The following RPS6KC1 variants were observed in gnomAD, a reference collection of about 807,000 sequenced individuals.
RPS6KC1 encodes inactive ribosomal protein S6 kinase delta-1.
A neutral mutation model predicts 103.8 loss-of-function variants in RPS6KC1; 54 were observed. That is an observed-to-expected ratio of 0.52 (90% CI 0.42 to 0.65). The LOEUF (loss-of-function observed/expected upper bound fraction) is 0.65. Among genes scored for constraint, RPS6KC1 ranks in the 30% least tolerant of loss-of-function variants. RPS6KC1 has a pLI of 0.00. For synonymous variants in RPS6KC1, 439 were observed against 438.7 expected, an observed-to-expected ratio of 1.00 and a Z score of -0.01; for missense variants, 1,151 against 1,253.8, an observed-to-expected ratio of 0.92 and a Z score of 1.24.
At chr1:213,240,654 A>G (rs773687162) in intron 10 of RPS6KC1, 48 bp from the exon 11 acceptor site, 85 of 1,480,378 alleles carry the variant, frequency 5.7e-5, no homozygotes, top group Middle Eastern at 1.8e-4. Flanking sequence ...ATAACTGTCA[A>G]TTTGGAGATC....
At chr1:213,605,206 G>A in the RPS6KC1 span, among the ~76,000 whole-genome samples, 6 of 152,014 alleles carry the variant, frequency 3.9e-5, no homozygotes, top group Non-Finnish European at 5.9e-5. Context: ...CAATATACTC[G>A]GTATTTATCC....
chr1:213,657,002 A>G, the RPS6KC1 span, among the ~76,000 whole-genome samples: 1 of 152,350 alleles, frequency 6.6e-6, no homozygotes, highest in East Asian at 1.9e-4. Flanking sequence ...GAAGAGCATC[A>G]GAGGGGCCAG....
chr1:213,217,976 C>T (rs1336160866), intron 8 of RPS6KC1, among the ~76,000 whole-genome samples: 3 of 152,102 alleles, frequency 2.0e-5, no homozygotes, highest in Non-Finnish European at 2.9e-5. Flanking sequence ...ACAGGGATAC[C>T]CTCTCTCACC....
the RPS6KC1 span, among the ~76,000 whole-genome samples, chr1:213,831,720 C>G: frequency 6.6e-6 from 1 of 152,112 alleles, no homozygotes; most frequent in African/African-American, 2.4e-5. Context: ...GTCTTCTTAT[C>G]TCTAAGATTG....
chr1:213,064,046 CTTTATT>C (rs1279321079), intron 1 of RPS6KC1, among the ~76,000 whole-genome samples: 3 of 152,080 alleles, frequency 2.0e-5, no homozygotes, highest in African/African-American at 7.2e-5. Context: ...AATTTCTGAA[CTTTATT>C]TTTATTTTTA....
At chr1:213,610,335 G>A in the RPS6KC1 span, among the ~76,000 whole-genome samples, 480 of 152,290 alleles carry the variant, frequency 3.2e-3, 2 homozygotes, top group African/African-American at 0.011. Flanking sequence ...ACTGATAAAC[G>A]ACAGATGAGG....
chr1:213,464,998 C>A, the RPS6KC1 span, among the ~76,000 whole-genome samples: 1 of 152,104 alleles, frequency 6.6e-6, no homozygotes, highest in Non-Finnish European at 1.5e-5. Context: ...CCCAAAGTCA[C>A]ACCCCTTTCC....
chr1:213,169,721 T>C (rs1558467703), intron 7 of RPS6KC1, among the ~76,000 whole-genome samples: 2 of 152,006 alleles, frequency 1.3e-5, no homozygotes, highest in Non-Finnish European at 2.9e-5. Context: ...GAACTTGCTT[T>C]ACTAAATCCA....
the RPS6KC1 span, among the ~76,000 whole-genome samples, chr1:213,391,281 T>C: frequency 6.6e-6 from 1 of 151,696 alleles, no homozygotes; most frequent in Admixed American, 6.6e-5. Flanking sequence ...CATGTGGGAG[T>C]TGATGAGTGA....
At chr1:213,568,610 G>T in the RPS6KC1 span, among the ~76,000 whole-genome samples, 1 of 152,186 alleles carries the variant, frequency 6.6e-6, no homozygotes, top group Non-Finnish European at 1.5e-5. Context: ...TATTTGGTTA[G>T]ATTCTTAGTC....
the RPS6KC1 span, among the ~76,000 whole-genome samples, chr1:213,549,664 A>G: frequency 7.4e-6 from 1 of 134,874 alleles, no homozygotes; most frequent in Non-Finnish European, 1.5e-5. Context: ...TAAGGAAGGA[A>G]CAATGCCTCT....
chr1:213,464,336 ACT>A, the RPS6KC1 span, among the ~76,000 whole-genome samples: 1 of 152,092 alleles, frequency 6.6e-6, no homozygotes, highest in Non-Finnish European at 1.5e-5. Context: ...TATTTTTCAC[ACT>A]GTTATAATTT....
At chr1:213,231,460 C>T (rs1481637412) in intron 9 of RPS6KC1, among the ~76,000 whole-genome samples, 1 of 152,172 alleles carries the variant, frequency 6.6e-6, no homozygotes, top group African/African-American at 2.4e-5. Flanking sequence ...CTAATTTAAG[C>T]ATTTCCACAG....
the RPS6KC1 span, among the ~76,000 whole-genome samples, chr1:213,363,613 GCTTGCTTGCTTGCTTTCTTTCTTTCTTT>G: frequency 8.1e-4 from 66 of 81,170 alleles, 1 homozygote; most frequent in African/African-American, 2.1e-3. Context: ...TCGCTTGCTT[GCTTGCTTGCTTGCTTTCTTTCTTTCTTT>G]CTTTCTTTCT....
the RPS6KC1 span, among the ~76,000 whole-genome samples, chr1:213,720,247 T>G: frequency 5.3e-5 from 8 of 152,142 alleles, no homozygotes; most frequent in Non-Finnish European, 1.0e-4. Context: ...CCAAATCCAG[T>G]CAATTAAGAG....
At chr1:213,288,837 C>T in the RPS6KC1 span, among the ~76,000 whole-genome samples, 3 of 152,180 alleles carry the variant, frequency 2.0e-5, no homozygotes, top group Admixed American at 6.5e-5. Flanking sequence ...AGAGAAACAA[C>T]AGAAACTTCC....
At chr1:213,377,862 C>T in the RPS6KC1 span, among the ~76,000 whole-genome samples, 1 of 152,166 alleles carries the variant, frequency 6.6e-6, no homozygotes, top group Non-Finnish European at 1.5e-5. Context: ...TTGACAGCAT[C>T]TTGACAAACC....
the RPS6KC1 span, among the ~76,000 whole-genome samples, chr1:213,384,066 G>T: frequency 6.6e-6 from 1 of 152,100 alleles, no homozygotes; most frequent in African/African-American, 2.4e-5. Context: ...CATGAAGTCA[G>T]GAGATTGAGA....
chr1:213,793,139 GTC>G, the RPS6KC1 span, among the ~76,000 whole-genome samples: 1 of 152,134 alleles, frequency 6.6e-6, no homozygotes, highest in Non-Finnish European at 1.5e-5. Flanking sequence ...TACAGGTTCG[GTC>G]GTGACATTGG....
Sources: allele counts gnomAD v4.1 joint callset (sites outside exome capture counted in the v4.1 genomes callset), GRCh38; gene constraint gnomAD v4.1.1; transcripts MANE v1.5; gene names NCBI Gene and HGNC (gene_info 2026-07-23, HGNC 2026-07-21).